TENM2: variants seen among roughly 807,000 people sequenced by gnomAD.
TENM2 encodes teneurin transmembrane protein 2, also known as teneurin-2.
Under a neutral mutation model 245.2 loss-of-function variants are expected in TENM2, and 52 were observed. The ratio of observed to expected loss-of-function variants is 0.21; its 90% confidence interval spans 0.17 to 0.27. TENM2 has a LOEUF of 0.27. Among genes scored for constraint, TENM2 ranks in the 10% least tolerant of loss-of-function variants. The probability of loss-of-function intolerance (pLI) is 1.00; values close to 1 mark genes in which losing one functional copy is unlikely to be tolerated. For synonymous variants in TENM2, 1,363 were observed against 1,438.9 expected (o/e 0.95, Z 1.19); for missense variants, 3,046 against 3,666.8 (o/e 0.83, Z 4.37).
intron 2 of TENM2, among the ~76,000 whole-genome samples, chr5:167,833,616 T>C (rs561430804): frequency 6.6e-6 from 1 of 152,356 alleles, no homozygotes; most frequent in South Asian, 2.1e-4. Flanking sequence ...GATTTAGCAG[T>C]GTGAAACATC....
chr5:167,649,466 T>G (rs1780190997), intron 2 of TENM2, among the ~76,000 whole-genome samples: 1 of 152,206 alleles, frequency 6.6e-6, no homozygotes, highest in African/African-American at 2.4e-5. Context: ...GCGCTTGCAC[T>G]GTGACCATAC....
chr5:168,255,433 C>G (rs930056266), intron 27 of TENM2, among the ~76,000 whole-genome samples: 1 of 152,070 alleles, frequency 6.6e-6, no homozygotes, highest in African/African-American at 2.4e-5. Flanking sequence ...TCCTGAGGAG[C>G]TGGGACTACA....
chr5:167,866,249 A>G (rs1317375810), intron 2 of TENM2, among the ~76,000 whole-genome samples: 1 of 152,224 alleles, frequency 6.6e-6, no homozygotes, highest in Non-Finnish European at 1.5e-5. Flanking sequence ...CTGTAATCCC[A>G]GGACTTTGGG....
At chr5:168,154,981 TC>T (rs1757021795) in intron 12 of TENM2, among the ~76,000 whole-genome samples, 2 of 152,192 alleles carry the variant, frequency 1.3e-5, no homozygotes, top group African/African-American at 4.8e-5. Flanking sequence ...TGGCTGCGTG[TC>T]CACGCCATTT....
chr5:167,479,850 A>G (rs1767646811), intron 2 of TENM2, among the ~76,000 whole-genome samples: 1 of 152,216 alleles, frequency 6.6e-6, no homozygotes, highest in Admixed American at 6.5e-5. Context: ...ACATTGAACA[A>G]TTCAAAAGAA....
intron 2 of TENM2, among the ~76,000 whole-genome samples, chr5:167,489,445 C>A (rs1273024891): frequency 6.6e-6 from 1 of 152,162 alleles, no homozygotes; most frequent in Non-Finnish European, 1.5e-5. Context: ...AGGTTCACTC[C>A]CACACTATCT....
intron 3 of TENM2, among the ~76,000 whole-genome samples, chr5:167,912,978 G>C (rs1464084569): frequency 6.6e-6 from 1 of 152,072 alleles, no homozygotes; most frequent in Non-Finnish European, 1.5e-5. Flanking sequence ...AGCAAGAAAG[G>C]TTCAGGCAGG....
the TENM2 span, among the ~76,000 whole-genome samples, chr5:167,191,331 G>C: frequency 5.3e-5 from 8 of 152,118 alleles, no homozygotes; most frequent in African/African-American, 1.7e-4. Context: ...GAATCGGATA[G>C]ATTGGTTGAC....
intron 3 of TENM2, among the ~76,000 whole-genome samples, chr5:167,896,468 G>A (rs1775233587): frequency 6.6e-6 from 1 of 152,200 alleles, no homozygotes; most frequent in Admixed American, 6.5e-5. Flanking sequence ...GTTGAGACAT[G>A]TGGCTTCCAA....
In TENM2 at chr5:168,226,082, C is replaced by T; in HGVS notation, c.5109-6C>T. 1.2e-6 allele frequency: 2 copies of T among 1,611,800 alleles called. No individual in the cohort carries two copies. The highest frequency in any genetic ancestry group is 1.7e-6 in the Non-Finnish European group (2 of 1,179,316). ...AGGGTTTATCTATCTATCTATCTCC[C>T]CCCAGCTATGACCACGAAGGCCGCC... On this transcript the variant is annotated splice_polypyrimidine_tract_variant and splice_region_variant and intron_variant, in intron 23 of 28. Transcript: ENST00000518659.
chr5:167,864,193 C>T (rs1467132798), intron 2 of TENM2, among the ~76,000 whole-genome samples: 2 of 152,150 alleles, frequency 1.3e-5, no homozygotes, highest in African/African-American at 4.8e-5. Context: ...CCCTAAAGCA[C>T]ATAGCAAAAC....
At chr5:168,081,692 C>T (rs941417976) in intron 7 of TENM2, among the ~76,000 whole-genome samples, 1 of 152,148 alleles carries the variant, frequency 6.6e-6, no homozygotes, top group Admixed American at 6.5e-5. Context: ...ACTTATGAAG[C>T]TTAGTTTGGC....
chr5:168,260,163 C>G, intron 27 of TENM2, 120 bp from the exon 30 acceptor site: 2 of 1,014,596 alleles, frequency 2.0e-6, no homozygotes, highest in Non-Finnish European at 3.0e-6. Context: ...TAAGCTCTTC[C>G]TCCCTCCCCT....
rs754174567 is a variant in TENM2 at position 168,139,798 on chromosome 5, A to T, written c.2422+12832A>T. Among the ~76,000 whole-genome samples the T allele has an allele frequency of 2.0e-5, 3 of 152,240 alleles. No individual in the cohort carries two copies. The South Asian group carries it at 6.2e-4, about 32-fold the overall frequency. On this transcript the variant is annotated intron_variant, in intron 12 of 28. Coordinates refer to ENST00000518659, the Ensembl canonical transcript of TENM2. The stretch of plus-strand genomic sequence containing the variant: ...AATGTCCCACCTATGGAGGGCAGAC[A>T]TGACCCAGCTCCAGCTGAACATGGC...
At chr5:167,826,356 G>C (rs1301915067) in intron 2 of TENM2, among the ~76,000 whole-genome samples, 1 of 152,174 alleles carries the variant, frequency 6.6e-6, no homozygotes, top group Admixed American at 6.5e-5. Flanking sequence ...AAATTCAAAT[G>C]GATTTCACTA....
chr5:167,239,463 A>G, the TENM2 span, among the ~76,000 whole-genome samples: 5 of 152,194 alleles, frequency 3.3e-5, no homozygotes, highest in African/African-American at 4.8e-5. Context: ...GTTTCCTCCA[A>G]GACACCTAAC....
intron 6 of TENM2, among the ~76,000 whole-genome samples, chr5:168,057,115 T>A (rs1047453715): frequency 2.0e-5 from 3 of 152,136 alleles, no homozygotes; most frequent in Admixed American, 1.3e-4. Context: ...TGAAAACCCC[T>A]CTTTCCAAAA....
chr5:168,094,016 C>T (rs1378654994), intron 8 of TENM2, among the ~76,000 whole-genome samples: 1 of 151,008 alleles, frequency 6.6e-6, no homozygotes, highest in African/African-American at 2.5e-5. Flanking sequence ...CATAGACATA[C>T]ACATACACAC....
chr5:167,442,590 A>AC (rs1380648934), intron 2 of TENM2, among the ~76,000 whole-genome samples: 2 of 152,046 alleles, frequency 1.3e-5, no homozygotes, highest in African/African-American at 4.8e-5. Flanking sequence ...TCAGAAAAAA[A>AC]AAATCCTTTT....
Sources: allele counts gnomAD v4.1 joint callset (sites outside exome capture counted in the v4.1 genomes callset), GRCh38; gene constraint gnomAD v4.1.1; transcripts MANE v1.5; gene names NCBI Gene and HGNC (gene_info 2026-07-23, HGNC 2026-07-21).